The following KCNB2 variants were observed in gnomAD, a reference collection of about 807,000 sequenced individuals.
KCNB2 encodes the protein potassium voltage-gated channel subfamily B member 2.
A neutral mutation model predicts 61.5 loss-of-function variants in KCNB2; 15 were observed. That is an observed-to-expected ratio of 0.24 (90% CI 0.16 to 0.38). The LOEUF (loss-of-function observed/expected upper bound fraction) is 0.38, where lower values mean the gene tolerates loss of function less well. Among genes scored for constraint, KCNB2 ranks in the 10% least tolerant of loss-of-function variants. KCNB2 has a pLI of 1.00. For missense variants in KCNB2, 828 were observed against 1,125.2 expected (o/e 0.74, Z 3.78); for synonymous variants, 457 against 446.0 (o/e 1.02, Z -0.31).
intron 2 of KCNB2, among the ~76,000 whole-genome samples, chr8:72,834,667 A>G (rs1387203627): frequency 6.6e-6 from 1 of 152,106 alleles, no homozygotes; most frequent in East Asian, 1.9e-4. Flanking sequence ...AGAGTAGGGG[A>G]GTGATCTTGG....
At chr8:72,694,864 A>G (rs1806993430) in intron 2 of KCNB2, among the ~76,000 whole-genome samples, 1 of 151,826 alleles carries the variant, frequency 6.6e-6, no homozygotes, top group South Asian at 2.1e-4. Flanking sequence ...TAAAATAGTT[A>G]ATAGAATAAA....
intron 2 of KCNB2, among the ~76,000 whole-genome samples, chr8:72,633,102 T>C (rs1805905608): frequency 6.6e-6 from 1 of 152,190 alleles, no homozygotes; most frequent in Non-Finnish European, 1.5e-5. Context: ...CATTTTTTTC[T>C]GGAAGCTCTG....
intron 2 of KCNB2, among the ~76,000 whole-genome samples, chr8:72,707,627 A>G (rs541883461): frequency 6.6e-6 from 1 of 152,288 alleles, no homozygotes; most frequent in East Asian, 1.9e-4. Context: ...GCCAACATTC[A>G]ACACCCATAA....
chr8:72,838,543 G>A (rs1215036951), intron 2 of KCNB2, among the ~76,000 whole-genome samples: 3 of 152,160 alleles, frequency 2.0e-5, no homozygotes, highest in Non-Finnish European at 4.4e-5. Flanking sequence ...CCAAGTCTTT[G>A]CTATTGTGAA....
intron 2 of KCNB2, among the ~76,000 whole-genome samples, chr8:72,705,042 G>A (rs1807197903): frequency 6.6e-6 from 1 of 152,062 alleles, no homozygotes; most frequent in Admixed American, 6.5e-5. Context: ...GAACCCATGG[G>A]TACAGAGGGC....
At chr8:72,858,267 C>G (rs768045214) in intron 2 of KCNB2, among the ~76,000 whole-genome samples, 11 of 152,026 alleles carry the variant, frequency 7.2e-5, no homozygotes, top group Non-Finnish European at 8.8e-5. Context: ...ATTTTAAAAT[C>G]ATTAAAAAGT....
intron 2 of KCNB2, among the ~76,000 whole-genome samples, chr8:72,920,487 AT>A (rs1806501205): frequency 7.2e-6 from 1 of 138,294 alleles, no homozygotes; most frequent in Admixed American, 7.5e-5. Context: ...ATATATATAT[AT>A]TAGCTGGCCA....
At chr8:72,894,561 A>G (rs926123299) in intron 2 of KCNB2, among the ~76,000 whole-genome samples, 4 of 152,234 alleles carry the variant, frequency 2.6e-5, no homozygotes, top group Non-Finnish European at 5.9e-5. Context: ...ATGACATCAT[A>G]TCACCTCCTG....
At chr8:72,716,003 A>G (rs956019080) in intron 2 of KCNB2, among the ~76,000 whole-genome samples, 3 of 152,360 alleles carry the variant, frequency 2.0e-5, no homozygotes, top group Non-Finnish European at 4.4e-5. Flanking sequence ...CCACAGAAAT[A>G]CAAACTACCA....
Position 72,803,036 on chromosome 8 carries a change from T to C in KCNB2, c.580-132899T>C, listed in dbSNP as rs541319749. Among the ~76,000 whole-genome samples, 12 of 152,272 alleles carry C rather than the reference T, an allele frequency of 7.9e-5. No individual in the cohort carries two copies. In the East Asian group the frequency reaches 1.7e-3, roughly 22 times the overall value. ...TGAAAAGTTGTGCGACCTAGAAAAA[T>C]GATCGCCACCATGAGACACATCCTC... On this transcript the variant is annotated intron_variant, in intron 2 of 2. Transcript: ENST00000523207.
rs376767839 is a variant in KCNB2, at chr8:72,593,116, A to G, written c.579+24803A>G. ...ACATTGAGTATTTGGCATGCCTGAT[A>G]GTCAGTGGTTGTAATGTAAATTAGA... On this transcript the variant is annotated intron_variant, in intron 2 of 2. Coordinates refer to ENST00000523207, the MANE Select transcript of KCNB2 (RefSeq NM_004770.3). Among the ~76,000 whole-genome samples the G allele has an allele frequency of 3.9e-5, 6 of 152,322 alleles. No homozygotes were observed. In the South Asian group the frequency reaches 6.2e-4, roughly 16 times the overall value.
chr8:72,842,634 G>T (rs4297068), intron 2 of KCNB2, among the ~76,000 whole-genome samples: 129,799 of 152,190 alleles, frequency 0.85, 56,320 homozygotes, highest in Middle Eastern at 0.97. Flanking sequence ...TCTATTCAAA[G>T]ATTTGACTTC....
intron 2 of KCNB2, among the ~76,000 whole-genome samples, chr8:72,771,536 T>A (rs891441049): frequency 3.3e-5 from 5 of 152,156 alleles, no homozygotes; most frequent in Non-Finnish European, 7.3e-5. Context: ...TTATATTAGG[T>A]TGGTGCAAAA....
At chr8:72,785,467 T>A (rs1808831601) in intron 2 of KCNB2, among the ~76,000 whole-genome samples, 1 of 152,182 alleles carries the variant, frequency 6.6e-6, no homozygotes, top group Non-Finnish European at 1.5e-5. Flanking sequence ...GCTATGGTTC[T>A]TTCACTCTCT....
At chr8:72,853,825 A>T (rs1810160162) in intron 2 of KCNB2, among the ~76,000 whole-genome samples, 1 of 152,188 alleles carries the variant, frequency 6.6e-6, no homozygotes, top group Non-Finnish European at 1.5e-5. Flanking sequence ...TTTTCTCTGC[A>T]CCGTCACGTG....
intron 2 of KCNB2, among the ~76,000 whole-genome samples, chr8:72,600,654 G>C (rs183124123): frequency 2.6e-5 from 4 of 151,890 alleles, no homozygotes; most frequent in Non-Finnish European, 5.9e-5. Context: ...ATACCATACA[G>C]CCATAAAAAA....
chr8:72,657,812 A>G (rs1806315681), intron 2 of KCNB2, among the ~76,000 whole-genome samples: 1 of 152,084 alleles, frequency 6.6e-6, no homozygotes, highest in East Asian at 1.9e-4. Context: ...AACCACTAAT[A>G]AAATTCACAT....
At chr8:72,556,275 G>A (rs1431660) in intron 1 of KCNB2, among the ~76,000 whole-genome samples, 5,086 of 152,198 alleles carry the variant, frequency 0.033, 119 homozygotes, top group South Asian at 0.09. Context: ...ATTCATAGAT[G>A]CTAGTAGGTC....
At chr8:72,750,778 A>G (rs1808175844) in intron 2 of KCNB2, 1 of 152,104 alleles carries the variant, frequency 6.6e-6, no homozygotes, top group African/African-American at 2.4e-5. Flanking sequence ...ACGTGCGTTA[A>G]TGGCTACATG....
Sources: allele counts gnomAD v4.1 joint callset (sites outside exome capture counted in the v4.1 genomes callset), GRCh38; gene constraint gnomAD v4.1.1; transcripts MANE v1.5; gene names NCBI Gene and HGNC (gene_info 2026-07-23, HGNC 2026-07-21).